Variants in DRD4 observed in about 807,000 individuals in gnomAD.
DRD4 encodes the protein D(4) dopamine receptor.
In DRD4, 26 loss-of-function variants were observed where a neutral mutation model predicts 22.1. The observed-to-expected ratio is 1.17, with a 90% confidence interval of 0.86 to 1.63. DRD4 has a LOEUF of 1.63. DRD4 is among the 40% of genes most tolerant of loss of function. The pLI is 0.00. For missense variants in DRD4, 913 were observed against 632.4 expected (o/e 1.44, Z -4.76); for synonymous variants, 455 against 306.7 (o/e 1.48, Z -5.05).
At position 637,665 on chromosome 11, in the gene DRD4, C is replaced by G. The variant is rs1589956990; in HGVS notation, c.285+76C>G. ...GTCCCTGTCCCTACGGAGGACCCGG[C>G]GCGACCCGGCCCCTTTCTGGTGCGG... On this transcript the variant is annotated intron_variant, in intron 1 of 3. Transcript: ENST00000176183. 3.3e-6 allele frequency: 5 copies of G among 1,531,906 alleles called. No individual in the cohort carries two copies. The East Asian group carries it at 1.2e-4, about 38-fold the overall frequency. 94.9% of individuals were successfully genotyped at this position (1,531,906 alleles called of 1,614,324 possible). A position where few individuals can be genotyped will look rare whatever the true frequency, so the allele number is the denominator to read the frequency against.
At chr11:637,986 GACACACACACAC>G (rs67940799) in intron 1 of DRD4, among the ~76,000 whole-genome samples, 1 of 151,618 alleles carries the variant, frequency 6.6e-6, no homozygotes, top group Middle Eastern at 3.2e-3. Context: ...GCTGCCGTGG[GACACACACACAC>G]ACACACTGCC....
In DRD4 at chr11:640,608, G is replaced by A; in HGVS notation, c.*5G>A. 6.3e-7 allele frequency: 1 copy of A among 1,599,144 alleles called. No individual in the cohort carries two copies. Among genetic ancestry groups the A allele is most frequent in the Non-Finnish European group, 8.5e-7 (1 of 1,179,762 alleles). On this transcript the variant is annotated 3_prime_UTR_variant, in exon 4 of 4. Transcript: ENST00000176183. ...GCCCTGCGTGCCTGCTGCTGAGCCGGGCACCCCCGGACGCCCCCCGGCCTG... is the reference window on the plus strand; with the variant it reads ...GCCCTGCGTGCCTGCTGCTGAGCCGAGCACCCCCGGACGCCCCCCGGCCTG...
rs1300106630 is a variant in DRD4 at position 639,382 on chromosome 11, AAGGGCCCGCGGTGGCTGGGAAACCTC to A, written c.286-44_286-19del. On this transcript the variant is annotated intron_variant, in intron 1 of 3. Coordinates refer to ENST00000176183, the MANE Select transcript of DRD4 (RefSeq NM_000797.4). ...ACCCATAAGAGTGGGGGCGGGTCACAAGGGCCCGCGGTGGCTGGGAAACCTCAGGGCCTGTGGTGTCGCCGCGCAGG... is the reference window on the plus strand; with the variant it reads ...ACCCATAAGAGTGGGGGCGGGTCACAAGGGCCTGTGGTGTCGCCGCGCAGG... 5 of 1,518,180 alleles carry A rather than the reference AAGGGCCCGCGGTGGCTGGGAAACCTC, an allele frequency of 3.3e-6. No individual in the cohort carries two copies. In the African/African-American group the frequency reaches 6.9e-5, roughly 21 times the overall value. The allele number at this position is 1,518,180 out of a possible 1,614,324, so 94.0% of individuals were successfully genotyped here.
chr11:639,721 G>C lies in DRD4; in HGVS notation c.472G>C (p.Ala158Pro). 8 of 1,507,324 alleles carry C rather than the reference G, an allele frequency of 5.3e-6. No individual in the cohort carries two copies. The highest frequency in any genetic ancestry group is 7.0e-6 in the Non-Finnish European group (8 of 1,135,810). The allele number at this position is 1,507,324 out of a possible 1,614,324, so 93.4% of individuals were successfully genotyped here. A position where few individuals can be genotyped will look rare whatever the true frequency, so the allele number is the denominator to read the frequency against. ...GSRRQLLLIG[A>P]TWLLSAAVAA... Reference sequence around the variant, plus strand: ...CCGCCGGCAGCTGCTGCTCATCGGCGCCACGTGGCTGCTGTCCGCGGCGGT... The same window carrying C: ...CCGCCGGCAGCTGCTGCTCATCGGCCCCACGTGGCTGCTGTCCGCGGCGGT... The change falls in exon 3 of 4, where the codon GCC becomes CCC. Residue 158 changes from alanine (A) to proline (P), a missense_variant. Physicochemically the swap from Ala to Pro is conservative, Grantham distance 27. Transcript: ENST00000176183.
chr11:639,302 C>G, intron 1 of DRD4, 131 bp from the exon 2 acceptor site: 1 of 818,900 alleles, frequency 1.2e-6, no homozygotes. Flanking sequence ...CCTGCCCGGT[C>G]CTCTGGCCTC....
At chr11:638,872 G>A (rs1380820934) in intron 1 of DRD4, among the ~76,000 whole-genome samples, 2 of 152,294 alleles carry the variant, frequency 1.3e-5, no homozygotes, top group East Asian at 1.9e-4. Context: ...AAGGCAGGAG[G>A]ATAGTTTGAG....
intron 1 of DRD4, 150 bp downstream of exon 1, chr11:637,739 GA>G: frequency 2.1e-6 from 3 of 1,403,156 alleles, no homozygotes; most frequent in Middle Eastern, 2.5e-4. Flanking sequence ...GTCCCTCGGC[GA>G]TACACCCACC....
At position 640,080 on chromosome 11, in the gene DRD4, C is replaced by G. The variant is rs1414179010; in HGVS notation, c.831C>G (p.Asp277Glu). 5 of 1,153,564 alleles carry G rather than the reference C, an allele frequency of 4.3e-6. No individual in the cohort carries two copies. The highest frequency in any genetic ancestry group is 5.5e-6 in the Non-Finnish European group (5 of 902,998). The allele number at this position is 1,153,564 out of a possible 1,614,324, so 71.5% of individuals were successfully genotyped here. The change falls in exon 3 of 4, where the codon GAC becomes GAG. Residue 277 changes from aspartate (D) to glutamate (E), a missense_variant. Physicochemically the swap from Asp to Glu is conservative, Grantham distance 45. Coordinates refer to ENST00000176183, the MANE Select transcript of DRD4 (RefSeq NM_000797.4). The stretch of plus-strand genomic sequence containing the variant: ...TTCCCCGGGGTCCCTGCGGCCCCGA[C>G]TGTGCGCCCGCCGCGCCCAGCCTCC... ...PGLPRGPCGPDCAPAAPSLPQ... is the reference protein window; with the variant it reads ...PGLPRGPCGPECAPAAPSLPQ...
intron 1 of DRD4, 57 bp from the exon 2 acceptor site, chr11:639,376 G>C (rs764745320): frequency 1.4e-6 from 2 of 1,479,912 alleles, no homozygotes; most frequent in South Asian, 1.2e-5. Flanking sequence ...AGTGGGGGCG[G>C]GTCACAAGGG....
rs1267066253 is a variant in DRD4 at position 639,798 on chromosome 11, C to G, written c.549C>G (p.Ala183=). 1 of 1,581,626 alleles carries G rather than the reference C, an allele frequency of 6.3e-7. No individual in the cohort carries two copies. The highest frequency in any genetic ancestry group is 1.7e-5 in the Admixed American group (1 of 58,618). Residue 183 remains alanine (A), a synonymous_variant, in exon 3 of 4, where the codon GCC becomes GCG. Coordinates refer to ENST00000176183, the MANE Select transcript of DRD4 (RefSeq NM_000797.4). ...ACGACGTGCGCGGCCGCGACCCCGC[C>G]GTGTGCCGCCTGGAGGACCGCGACT... ...GLNDVRGRDP[A]VCRLEDRDYV... is the part of the protein sequence containing the mutation.
Position 639,419 on chromosome 11 carries a change from G to A in DRD4, c.286-14G>A. 6.3e-7 allele frequency: 1 copy of A among 1,578,068 alleles called. No homozygotes were observed. The highest frequency in any genetic ancestry group is 1.1e-5 in the South Asian group (1 of 87,524). ...TGGCTGGGAAACCTCAGGGCCTGTG[G>A]TGTCGCCGCGCAGGTCCAGGGTGGC... On this transcript the variant is annotated splice_polypyrimidine_tract_variant and intron_variant, in intron 1 of 3. Transcript: ENST00000176183.
At position 640,425 on chromosome 11, in the gene DRD4, C is replaced by T. The variant is rs1564914446; in HGVS notation, c.1082C>T (p.Pro361Leu). Residue 361 changes from proline to leucine, a missense_variant, in exon 4 of 4, where the codon CCC becomes CTC. Physicochemically the swap from Pro to Leu is moderately conservative, Grantham distance 98. Transcript: ENST00000176183. Reference sequence around the variant, plus strand: ...GGGGCCTTCCTGCTGTGCTGGACGCCCTTCTTCGTGGTGCACATCACGCAG... The same window carrying T: ...GGGGCCTTCCTGCTGTGCTGGACGCTCTTCTTCGTGGTGCACATCACGCAG... ...VVGAFLLCWT[P>L]FFVVHITQAL... The T allele has an allele frequency of 2.5e-6, 4 of 1,600,588 alleles. No individual in the cohort carries two copies. Among genetic ancestry groups the T allele is most frequent in the Non-Finnish European group, 2.5e-6 (3 of 1,179,728 alleles).
At chr11:638,656 G>T (rs1305484646) in intron 1 of DRD4, among the ~76,000 whole-genome samples, 2 of 152,188 alleles carry the variant, frequency 1.3e-5, no homozygotes, top group East Asian at 3.8e-4. Context: ...CTCCCACAGA[G>T]AACTTAGCCA....
Position 639,535 on chromosome 11 carries a change from A to G in DRD4, c.388A>G (p.Ser130Gly), listed in dbSNP as rs757109992. The G allele has an allele frequency of 1.9e-6, 3 of 1,584,820 alleles. No individual in the cohort carries two copies. Among genetic ancestry groups the G allele is most frequent in the East Asian group, 4.7e-5 (2 of 42,716 alleles). ...TASIFNLCAI[S>G]VDRFVAVAVP... ...CTCCATCTTCAACCTGTGCGCCATC[A>G]GCGTGGACAGGTGCGCCGCCCTCCC... is the stretch of plus-strand genomic sequence containing the variant. The change falls in exon 2 of 4, where the codon AGC (serine) becomes GGC (glycine). Residue 130 changes from serine (S) to glycine (G), a missense_variant. Coordinates refer to ENST00000176183, the MANE Select transcript of DRD4 (RefSeq NM_000797.4).
rs1318210643 is a variant in DRD4 at position 640,455 on chromosome 11, T to C, written c.1112T>C (p.Leu371Pro). 7.5e-6 allele frequency: 12 copies of C among 1,601,800 alleles called. No individual in the cohort carries two copies. The Admixed American group carries it at 1.8e-4, about 24-fold the overall frequency. Residue 371 changes from leucine to proline, a missense_variant, in exon 4 of 4, where the codon CTG becomes CCG. Physicochemically the swap from Leu to Pro is moderately conservative, Grantham distance 98. Transcript: ENST00000176183. The part of the protein sequence containing the change: ...PFFVVHITQA[L>P]CPACSVPPRL... Reference sequence around the variant, plus strand: ...TTCGTGGTGCACATCACGCAGGCGCTGTGTCCTGCCTGCTCCGTGCCCCCG... The same window carrying C: ...TTCGTGGTGCACATCACGCAGGCGCCGTGTCCTGCCTGCTCCGTGCCCCCG...
rs1858222760 is a variant in DRD4 at position 640,648 on chromosome 11, G to A, written c.*45G>A. Reference sequence around the variant, plus strand: ...CCCCCGGCCTGATGGCCAGGCCTCAGGGACCAAGGAGATGGGGAGGGCGCT... The same window carrying A: ...CCCCCGGCCTGATGGCCAGGCCTCAAGGACCAAGGAGATGGGGAGGGCGCT... On this transcript the variant is annotated 3_prime_UTR_variant, in exon 4 of 4. Coordinates refer to ENST00000176183, the MANE Select transcript of DRD4 (RefSeq NM_000797.4). 4 of 1,594,564 alleles carry A rather than the reference G, an allele frequency of 2.5e-6. No homozygotes were observed. The highest frequency in any genetic ancestry group is 1.1e-5 in the South Asian group (1 of 90,974).
intron 1 of DRD4, among the ~76,000 whole-genome samples, chr11:638,298 T>G (rs1324522023): frequency 6.6e-6 from 1 of 151,920 alleles, no homozygotes; most frequent in Non-Finnish European, 1.5e-5. Context: ...TCCCCGACTG[T>G]GGGGGAGGGG....
chr11:637,404 G>C lies in DRD4; in HGVS notation c.100G>C (p.Gly34Arg). 6.7e-7 allele frequency: 1 copy of C among 1,489,134 alleles called. No homozygotes were observed. Among genetic ancestry groups the C allele is most frequent in the Non-Finnish European group, 8.9e-7 (1 of 1,126,836 alleles). 92.2% of individuals were successfully genotyped at this position (1,489,134 alleles called of 1,614,324 possible). Reference sequence around the variant, plus strand: ...GGCATCTGCGGGGCTGGCTGGGCAGGGCGCGGCGGCGCTGGTGGGGGGCGT... The same window carrying C: ...GGCATCTGCGGGGCTGGCTGGGCAGCGCGCGGCGGCGCTGGTGGGGGGCGT... ...AGASAGLAGQ[G>R]AAALVGGVLL... is the part of the protein sequence containing the mutation. The change falls in exon 1 of 4, where the codon GGC becomes CGC. Residue 34 changes from glycine (G) to arginine (R), a missense_variant. Gly to Arg is a moderately radical substitution (Grantham distance 125, BLOSUM62 -2). Coordinates refer to ENST00000176183, the MANE Select transcript of DRD4 (RefSeq NM_000797.4).
rs758612321 is a variant in DRD4, at chr11:639,681, C to G, written c.432C>G (p.Asn144Lys). 1.4e-6 allele frequency: 2 copies of G among 1,472,538 alleles called. No homozygotes were observed. The highest frequency in any genetic ancestry group is 1.8e-6 in the Non-Finnish European group (2 of 1,117,066). 91.2% of individuals were successfully genotyped at this position (1,472,538 alleles called of 1,614,324 possible). The change falls in exon 3 of 4, where the codon AAC becomes AAG. Residue 144 changes from asparagine (N) to lysine (K), a missense_variant. Coordinates refer to ENST00000176183, the MANE Select transcript of DRD4 (RefSeq NM_000797.4). ...FVAVAVPLRY[N>K]RQGGSRRQLL... ...CCGTGGCCGTGCCGCTGCGCTACAA[C>G]CGGCAGGGTGGGAGCCGCCGGCAGC... is the stretch of plus-strand genomic sequence containing the variant.
Sources: gnomAD v4.1 joint callset for allele counts (sites outside exome capture counted in the v4.1 genomes callset) on GRCh38, gnomAD v4.1.1 for gene constraint, MANE v1.5 for transcripts, NCBI Gene and HGNC (gene_info 2026-07-23, HGNC 2026-07-21) for gene names.